Variants in IL17RD observed in about 807,000 individuals in gnomAD.
The protein encoded by IL17RD is interleukin-17 receptor D.
IL17RD carries 52 observed loss-of-function variants against 80.5 expected under a neutral mutation model. That is an observed-to-expected ratio of 0.65 (90% CI 0.52 to 0.81). The LOEUF (loss-of-function observed/expected upper bound fraction) is 0.81. Among genes scored for constraint, IL17RD ranks in the 40% least tolerant of loss-of-function variants. IL17RD has a pLI of 0.00. For synonymous variants in IL17RD, 416 were observed against 391.8 expected (o/e 1.06, Z -0.73); for missense variants, 1,024 against 955.1 (o/e 1.07, Z -0.95).
In IL17RD at chr3:57,109,729, T is replaced by C. The variant is rs182768517; in HGVS notation, c.430-72A>G. On this transcript the variant is annotated intron_variant, in intron 4 of 12. Transcript: ENST00000296318. Reference sequence around the variant, plus strand: ...CCCTCCACCTTCATAAGGTCTTCGCTCCTACCCCAACTGCCACCCAGACAC... The same window carrying C: ...CCCTCCACCTTCATAAGGTCTTCGCCCCTACCCCAACTGCCACCCAGACAC... 7.6e-5 allele frequency: 112 copies of C among 1,481,852 alleles called. No homozygotes were observed. In the African/African-American group the frequency reaches 1.4e-3, roughly 18 times the overall value. 91.8% of individuals were successfully genotyped at this position (1,481,852 alleles called of 1,614,324 possible).
At chr3:57,137,360 G>T (rs1268976911) in intron 1 of IL17RD, among the ~76,000 whole-genome samples, 15 of 152,206 alleles carry the variant, frequency 9.9e-5, no homozygotes, top group Admixed American at 9.8e-4. Flanking sequence ...CAAATACAGT[G>T]GTCCTTACAG....
chr3:57,105,938 CG>C lies in IL17RD; in HGVS notation c.665del (p.Pro222ArgfsTer48). 6.2e-7 allele frequency: 1 copy of C among 1,613,824 alleles called. No homozygotes were observed. The highest frequency in any genetic ancestry group is 8.5e-7 in the Non-Finnish European group (1 of 1,179,802). ...SDMQVSFDHAPHNFGFRFFYL... is the reference protein window; with the variant it reads ...SDMQVSFDHAXHNFGFRFFYL... ...AGAAGAAACGGAAGCCGAAGTTGTG[CG>C]GTGCATGGTCGAAGGACACCTGCAT... On this transcript the variant is annotated frameshift_variant, in exon 7 of 13. Transcript: ENST00000296318. LOFTEE classifies it high-confidence loss of function.
At chr3:57,121,532 C>T (rs1161183501) in intron 1 of IL17RD, among the ~76,000 whole-genome samples, 1 of 152,144 alleles carries the variant, frequency 6.6e-6, no homozygotes, top group South Asian at 2.1e-4. Context: ...CCTAAATCCA[C>T]ATGACACACC....
At chr3:57,129,723 T>C (rs6787279) in intron 1 of IL17RD, among the ~76,000 whole-genome samples, 43,536 of 152,058 alleles carry the variant, frequency 0.29, 7,553 homozygotes, top group East Asian at 0.55. Context: ...TTAATGGAAA[T>C]ATTACAGGAC....
At chr3:57,101,405 G>T in intron 10 of IL17RD, 42 bp from the exon 11 acceptor site, 1 of 1,317,428 alleles carries the variant, frequency 7.6e-7, no homozygotes, top group Non-Finnish European at 1.1e-6. Flanking sequence ...TGCAAGCAAC[G>T]CTTTGTTCTA....
In IL17RD at chr3:57,097,680, A is replaced by G. The variant is rs1365032398; in HGVS notation, c.2023T>C (p.Ser675Pro). ...GAGAGTCCTTCCATCAGTGGCAGAG[A>G]CAGCTCGGATGAGGGCACAGACGAG... ...YDSSVPSSEL[S>P]LPLMEGLSTD... Residue 675 changes from serine (S) to proline (P), a missense_variant, in exon 12 of 13, where the codon TCT becomes CCT. Coordinates refer to ENST00000296318, the MANE Select transcript of IL17RD (RefSeq NM_017563.5). 1.2e-6 allele frequency: 2 copies of G among 1,605,872 alleles called. No individual in the cohort carries two copies. The highest frequency in any genetic ancestry group is 1.7e-6 in the Non-Finnish European group (2 of 1,176,636).
rs1331880802 is a variant in IL17RD, at chr3:57,090,445, G to C, written c.*5948C>G. On this transcript the variant is annotated 3_prime_UTR_variant, in exon 13 of 13. Transcript: ENST00000296318. ...GTTGAGACGGAGTTTCGCTCTTGTTGCCCAGGCTAGAGTGCAATGGCGTGA... is the reference window on the plus strand; with the variant it reads ...GTTGAGACGGAGTTTCGCTCTTGTTCCCCAGGCTAGAGTGCAATGGCGTGA... The C allele has an allele frequency of 6.5e-6, 1 of 153,768 alleles. No homozygotes were observed. The highest frequency in any genetic ancestry group is 2.4e-5 in the African/African-American group (1 of 41,464). The allele number at this position is 153,768 out of a possible 1,614,324, so 9.5% of individuals were successfully genotyped here. A position where few individuals can be genotyped will look rare whatever the true frequency, so the allele number is the denominator to read the frequency against.
In IL17RD at chr3:57,131,044, G is replaced by T. The variant is rs762224093; in HGVS notation, c.127-10731C>A. Among the ~76,000 whole-genome samples, 138 of 152,172 alleles carry T rather than the reference G, an allele frequency of 9.1e-4. 2 individuals are homozygous for T. The highest frequency in any genetic ancestry group is 3.3e-4 in the Admixed American group (5 of 15,278). On this transcript the variant is annotated intron_variant, in intron 1 of 12. Transcript: ENST00000296318. ...CCTGTGCACAACGGGGCCTCCCGGGGGGCAATCACCGGCTGACCGGGGCAA... is the reference window on the plus strand; with the variant it reads ...CCTGTGCACAACGGGGCCTCCCGGGTGGCAATCACCGGCTGACCGGGGCAA...
At chr3:57,114,656 AG>A in intron 3 of IL17RD, 35 bp downstream of exon 3, 1 of 1,563,878 alleles carries the variant, frequency 6.4e-7, no homozygotes, top group Non-Finnish European at 8.6e-7. Flanking sequence ...CTATCCACCC[AG>A]GTTATCACCA....
chr3:57,121,187 A>G (rs1707330113), intron 1 of IL17RD, among the ~76,000 whole-genome samples: 1 of 152,238 alleles, frequency 6.6e-6, no homozygotes, highest in Non-Finnish European at 1.5e-5. Flanking sequence ...ATGATGGGAA[A>G]ATATTCCAGC....
Position 57,098,000 on chromosome 3 carries a change from T to C in IL17RD, c.1703A>G (p.His568Arg), listed in dbSNP as rs956301657. Residue 568 changes from histidine to arginine, a missense_variant, in exon 12 of 13, where the codon CAT (histidine) becomes CGT (arginine). Coordinates refer to ENST00000296318, the MANE Select transcript of IL17RD (RefSeq NM_017563.5). ...CTCCCGGTAGCGCAGTGGAGGAGGA[T>C]GGAAGGGAACGAACTGCTTTTCGAA... ...DWFEKQFVPF[H>R]PPPLRYREPV... is the part of the protein sequence containing the mutation. The C allele has an allele frequency of 4.3e-6, 7 of 1,614,020 alleles. No individual in the cohort carries two copies. The highest frequency in any genetic ancestry group is 5.9e-6 in the Non-Finnish European group (7 of 1,179,892).
rs1452846032 is a variant in IL17RD, at chr3:57,097,978, C to T, written c.1725G>A (p.Arg575=). 4 of 1,614,042 alleles carry T rather than the reference C, an allele frequency of 2.5e-6. No homozygotes were observed. The highest frequency in any genetic ancestry group is 2.7e-5 in the African/African-American group (2 of 75,038). Residue 575 remains arginine, a synonymous_variant, in exon 12 of 13, where the codon CGG becomes CGA. Coordinates refer to ENST00000296318, the MANE Select transcript of IL17RD (RefSeq NM_017563.5). The part of the protein sequence containing the change: ...VPFHPPPLRY[R]EPVLEKFDSG... ...AATCAAATTTCTCCAAGACTGGCTC[C>T]CGGTAGCGCAGTGGAGGAGGATGGA...
chr3:57,134,644 G>A (rs866771831), intron 1 of IL17RD: 52 of 771,714 alleles, frequency 6.7e-5, no homozygotes, highest in South Asian at 5.2e-4. Context: ...AAGGAAGCAC[G>A]CAAGCACCAT....
chr3:57,134,798 C>A (rs957164356), intron 1 of IL17RD: 3 of 412,334 alleles, frequency 7.3e-6, no homozygotes, highest in Non-Finnish European at 9.1e-6. Flanking sequence ...CAAGCCTTTA[C>A]CTGCCATAAA....
At chr3:57,157,697 A>G (rs2060277581) in intron 1 of IL17RD, among the ~76,000 whole-genome samples, 1 of 152,226 alleles carries the variant, frequency 6.6e-6, no homozygotes, top group Admixed American at 6.5e-5. Context: ...CCTCAGATAA[A>G]AGGGGGCCGT....
intron 12 of IL17RD, 60 bp from the exon 13 acceptor site, chr3:57,096,565 T>C: frequency 8.5e-7 from 1 of 1,175,236 alleles, no homozygotes; most frequent in Non-Finnish European, 1.3e-6. Context: ...GCTGGGCAGG[T>C]GCTCATGGCA....
intron 1 of IL17RD, among the ~76,000 whole-genome samples, chr3:57,138,628 T>G (rs142797636): frequency 3.4e-4 from 52 of 152,144 alleles, no homozygotes; most frequent in African/African-American, 1.2e-3. Flanking sequence ...AGATAGTGAT[T>G]TTAAGGCAAT....
chr3:57,108,065 T>TC, intron 5 of IL17RD, among the ~76,000 whole-genome samples: 1 of 152,006 alleles, frequency 6.6e-6, no homozygotes, highest in Non-Finnish European at 1.5e-5. Flanking sequence ...TTCCTTTTTT[T>TC]TTTTTTCTTT....
chr3:57,125,116 A>AT, intron 1 of IL17RD, among the ~76,000 whole-genome samples: 1 of 152,298 alleles, frequency 6.6e-6, no homozygotes, highest in East Asian at 1.9e-4. Flanking sequence ...GCTATAAAGT[A>AT]TATGAATAGG....
Sources: gnomAD v4.1 joint callset for allele counts (sites outside exome capture counted in the v4.1 genomes callset) on GRCh38, gnomAD v4.1.1 for gene constraint, MANE v1.5 for transcripts, NCBI Gene and HGNC (gene_info 2026-07-23, HGNC 2026-07-21) for gene names.